MVB12B: variants seen among roughly 807,000 people sequenced by gnomAD.
The protein encoded by MVB12B is ESCRT-I complex subunit MVB12B.
A neutral mutation model predicts 41.6 loss-of-function variants in MVB12B; 16 were observed. The observed-to-expected ratio is 0.38, with a 90% CI of 0.26 to 0.58. The LOEUF is 0.58. Ranked by LOEUF, MVB12B falls within the 20% of genes least tolerant of loss-of-function variation. The pLI is 0.62. For synonymous variants in MVB12B, 133 were observed against 139.7 expected, an observed-to-expected ratio of 0.95 and a Z score of 0.34; for missense variants, 274 against 380.2, an observed-to-expected ratio of 0.72 and a Z score of 2.32.
At chr9:126,382,143 A>C (rs1830654598) in intron 3 of MVB12B, among the ~76,000 whole-genome samples, 1 of 150,302 alleles carries the variant, frequency 6.7e-6, no homozygotes, top group Admixed American at 6.6e-5. Context: ...ATCCTCATTC[A>C]ACAGCATGAA....
rs761762511 is a variant in MVB12B, at chr9:126,421,895, A to G, written c.704A>G (p.Asn235Ser). ...CTTCCTGCCACCTTCCGAGGCAGGA[A>G]CAGCACCCGGACGGACTACGAGTAC... ...LTLPATFRGR[N>S]STRTDYEYQH... The change falls in exon 7 of 10, where the codon AAC becomes AGC. Residue 235 changes from asparagine to serine, a missense_variant. Transcript: ENST00000361171. 1 of 1,614,048 alleles carries G rather than the reference A, an allele frequency of 6.2e-7. No individual in the cohort carries two copies. Among genetic ancestry groups the G allele is most frequent in the Non-Finnish European group, 8.5e-7 (1 of 1,179,992 alleles).
chr9:126,433,166 G>A (rs1832374938), intron 7 of MVB12B, among the ~76,000 whole-genome samples: 1 of 152,074 alleles, frequency 6.6e-6, no homozygotes, highest in Non-Finnish European at 1.5e-5. Context: ...TGGGGGTGAC[G>A]GTGACTTATG....
At chr9:126,470,270 C>T (rs1833284393) in intron 7 of MVB12B, among the ~76,000 whole-genome samples, 1 of 152,222 alleles carries the variant, frequency 6.6e-6, no homozygotes, top group Admixed American at 6.5e-5. Flanking sequence ...TTGGGTCCCC[C>T]AGACCATGGC....
rs1231206596 is a variant in MVB12B, at chr9:126,386,679, A to G, written c.409+21A>G. ...CACACGTGAGTCATCCTTTAGTAGC[A>G]CTCATCACAATGAGCGTTTTCTTCC... On this transcript the variant is annotated intron_variant, in intron 4 of 9. Coordinates refer to ENST00000361171, the MANE Select transcript of MVB12B (RefSeq NM_033446.3). This position sits in a 1 kb window ranked among gnomAD's most constrained non-coding sequence, Gnocchi z 4.3. The G allele has an allele frequency of 1.3e-6, 2 of 1,537,506 alleles. No individual in the cohort carries two copies. Among genetic ancestry groups the G allele is most frequent in the Admixed American group, 1.7e-5 (1 of 59,792 alleles).
chr9:126,418,778 T>C (rs2119081354), intron 6 of MVB12B, among the ~76,000 whole-genome samples: 1 of 152,176 alleles, frequency 6.6e-6, no homozygotes, highest in East Asian at 1.9e-4. Flanking sequence ...GCTGCATCTC[T>C]CTGATTTCTG....
chr9:126,438,073 G>A (rs1305350250), intron 7 of MVB12B, among the ~76,000 whole-genome samples: 1 of 152,172 alleles, frequency 6.6e-6, no homozygotes, highest in East Asian at 1.9e-4. Flanking sequence ...ATAGAACATA[G>A]CTGTTATTTA....
At chr9:126,498,653 C>T (rs1284068423) in intron 9 of MVB12B, among the ~76,000 whole-genome samples, 1 of 152,254 alleles carries the variant, frequency 6.6e-6, no homozygotes, top group Non-Finnish European at 1.5e-5. Flanking sequence ...GCCCAGGCCT[C>T]GTCCAGCATT....
intron 7 of MVB12B, among the ~76,000 whole-genome samples, chr9:126,428,891 A>G (rs1165265676): frequency 6.6e-6 from 1 of 151,910 alleles, no homozygotes; most frequent in African/African-American, 2.4e-5. Context: ...TCTTCAGTGG[A>G]TATGTTCTCG....
rs752522253 is a variant in MVB12B, at chr9:126,483,972, G to C, written c.814-1G>C. 2.4e-5 allele frequency: 39 copies of C among 1,614,110 alleles called. No homozygotes were observed. The highest frequency in any genetic ancestry group is 3.1e-5 in the Non-Finnish European group (36 of 1,180,016). On this transcript the variant is annotated splice_acceptor_variant, in intron 8 of 9. Coordinates refer to ENST00000361171, the MANE Select transcript of MVB12B (RefSeq NM_033446.3). LOFTEE classifies it high-confidence loss of function. ...AAGGGCAACTTCATCTGTGTTTTCA[G>C]ATGCAGCCCTTTGATCTCCTGGGAA...
chr9:126,479,358 G>A (rs1455593309), intron 7 of MVB12B, among the ~76,000 whole-genome samples: 2 of 152,154 alleles, frequency 1.3e-5, no homozygotes, highest in Non-Finnish European at 2.9e-5. Context: ...ACCTCTTCCT[G>A]GATATCCGGT....
intron 9 of MVB12B, among the ~76,000 whole-genome samples, chr9:126,491,223 G>C (rs998143382): frequency 1.3e-5 from 2 of 152,256 alleles, no homozygotes; most frequent in African/African-American, 4.8e-5. Context: ...TCCGCATTGC[G>C]TGGGCTTCTG....
chr9:126,479,463 G>A (rs774411416), intron 7 of MVB12B, among the ~76,000 whole-genome samples: 6 of 152,222 alleles, frequency 3.9e-5, no homozygotes, highest in African/African-American at 9.6e-5. Flanking sequence ...CAGCATACAC[G>A]CATAGGTACT....
At chr9:126,337,000 CCT>C (rs1207140354) in intron 1 of MVB12B, among the ~76,000 whole-genome samples, 1 of 152,226 alleles carries the variant, frequency 6.6e-6, no homozygotes, top group Admixed American at 6.5e-5. Context: ...CACCTTTATT[CCT>C]TACCCAGCAT....
chr9:126,421,002 G>T (rs1364795315), intron 6 of MVB12B, among the ~76,000 whole-genome samples: 4 of 152,168 alleles, frequency 2.6e-5, no homozygotes, highest in Non-Finnish European at 5.9e-5. Context: ...TTAGGCTCCT[G>T]AGCTATTGCA....
chr9:126,482,449 G>T (rs1258277325), intron 8 of MVB12B, among the ~76,000 whole-genome samples: 1 of 152,234 alleles, frequency 6.6e-6, no homozygotes, highest in Non-Finnish European at 1.5e-5. Flanking sequence ...GCTTAATCTT[G>T]AAAAATGCTC....
intron 7 of MVB12B, among the ~76,000 whole-genome samples, chr9:126,460,732 G>C (rs939804932): frequency 6.6e-6 from 1 of 152,124 alleles, no homozygotes. Context: ...AAGTTCCAGA[G>C]TGATGGCCAG....
At position 126,367,573 on chromosome 9, in the gene MVB12B, CCTT is replaced by C. The variant is rs780449914; in HGVS notation, c.205-13488_205-13486del. Among the ~76,000 whole-genome samples, 1 of 152,142 alleles carries C rather than the reference CCTT, an allele frequency of 6.6e-6. No individual in the cohort carries two copies. The highest frequency in any genetic ancestry group is 6.5e-5 in the Admixed American group (1 of 15,284). ...ATCCTCCCAGCAGCCTGCCTCTTCTCCTTCTGCCTTATGCTTGCTTTTGAGAGC... is the reference window on the plus strand; with the variant it reads ...ATCCTCCCAGCAGCCTGCCTCTTCTCCTGCCTTATGCTTGCTTTTGAGAGC... On this transcript the variant is annotated intron_variant, in intron 2 of 9. Coordinates refer to ENST00000361171, the MANE Select transcript of MVB12B (RefSeq NM_033446.3). This position sits in a 1 kb window ranked among gnomAD's most constrained non-coding sequence, Gnocchi z 4.3.
In MVB12B at chr9:126,482,336, T is replaced by C. The variant is rs979630213; in HGVS notation, c.813+912T>C. Among the ~76,000 whole-genome samples the C allele has an allele frequency of 2.6e-4, 40 of 152,392 alleles. 1 individual carries two copies. The highest frequency in any genetic ancestry group is 9.4e-4 in the African/African-American group (39 of 41,598). On this transcript the variant is annotated intron_variant, in intron 8 of 9. Transcript: ENST00000361171. ...CAGCTAAAGAATCCTTTAGTGTTTTTCTTGGATCCAGCTTAAAACCACCCG... is the reference window on the plus strand; with the variant it reads ...CAGCTAAAGAATCCTTTAGTGTTTTCCTTGGATCCAGCTTAAAACCACCCG...
intron 1 of MVB12B, chr9:126,327,256 G>C (rs1829007592): frequency 2.0e-6 from 2 of 984,462 alleles, no homozygotes. Flanking sequence ...GGGAGAAGCT[G>C]GGGGACCCGA....
Sources: allele counts gnomAD v4.1 joint callset (sites outside exome capture counted in the v4.1 genomes callset), GRCh38; gene constraint gnomAD v4.1.1; non-coding constraint Gnocchi (gnomAD v3.1); transcripts MANE v1.5; gene names NCBI Gene and HGNC (gene_info 2026-07-23, HGNC 2026-07-21).